MYH9: variants seen among roughly 807,000 people sequenced by gnomAD.
MYH9 encodes the protein myosin heavy chain 9.
In MYH9, 29 loss-of-function variants were observed where a neutral mutation model predicts 241.9. The ratio of observed to expected loss-of-function variants is 0.12; its 90% CI spans 0.09 to 0.16. MYH9 has a LOEUF of 0.16. Among genes scored for constraint, MYH9 ranks in the 10% least tolerant of loss-of-function variants. The probability of loss-of-function intolerance (pLI) is 1.00; values close to 1 mark genes in which losing one functional copy is unlikely to be tolerated. For synonymous variants in MYH9, 1,047 were observed against 1,062.6 expected, an observed-to-expected ratio of 0.99 and a Z score of 0.29; for missense variants, 1,803 against 2,595.5, an observed-to-expected ratio of 0.69 and a Z score of 6.63.
intron 3 of MYH9, among the ~76,000 whole-genome samples, chr22:36,328,687 C>G (rs1448665602): frequency 6.6e-6 from 1 of 152,254 alleles, no homozygotes; most frequent in Admixed American, 6.5e-5. Flanking sequence ...AACGCGACGT[C>G]GCCACGATGG....
chr22:36,336,335 G>A (rs1195598972), intron 3 of MYH9, among the ~76,000 whole-genome samples: 2 of 152,224 alleles, frequency 1.3e-5, no homozygotes, highest in Non-Finnish European at 2.9e-5. Flanking sequence ...CAGAGGGTCT[G>A]GCCCGGGATC....
chr22:36,286,878 C>T (rs938075552), intron 34 of MYH9, 32 bp from the exon 35 acceptor site: 5 of 1,601,826 alleles, frequency 3.1e-6, no homozygotes, highest in Non-Finnish European at 4.2e-6. Context: ...GGCACCCCAC[C>T]CAGCTCCTTG....
rs2017410409 is a variant in MYH9, at chr22:36,330,858, C to T, written c.491-3370G>A. Among the ~76,000 whole-genome samples the T allele has an allele frequency of 6.6e-6, 1 of 152,076 alleles. No individual in the cohort carries two copies. The highest frequency in any genetic ancestry group is 1.5e-5 in the Non-Finnish European group (1 of 68,022). ...AAGCCTCTTCTGGGACACGAGCCCC[C>T]TGCCAGATGAAAGTCTAGCCGTGGT... On this transcript the variant is annotated intron_variant, in intron 3 of 40. Transcript: ENST00000216181. This position sits in a 1 kb window ranked among gnomAD's most constrained non-coding sequence, Gnocchi z 4.5.
chr22:36,339,199 TCA>T (rs2017545592), intron 3 of MYH9, among the ~76,000 whole-genome samples: 1 of 152,214 alleles, frequency 6.6e-6, no homozygotes, highest in African/African-American at 2.4e-5. Context: ...TACACATTAC[TCA>T]GTCTTAATGT....
rs368114068 is a variant in MYH9, at chr22:36,294,933, C to T, written c.3629G>A (p.Arg1210Gln). ...TGCGGTCTCAGGGAGGCTCCGCACC[C>T]GCTTCGTCTGCTCCAGCTGCTCCGC... ...ELAEQLEQTK[R>Q]VKANLEKAKQ... Residue 1210 changes from arginine to glutamine, a missense_variant and splice_region_variant, in exon 27 of 41, where the codon CGG becomes CAG. Physicochemically the swap from Arg to Gln is conservative, Grantham distance 43 (BLOSUM62 1). This residue lies in a region of MYH9 where 876 missense variants were observed against 1,077.8 expected (regional missense o/e 0.81). Coordinates refer to ENST00000216181, the MANE Select transcript of MYH9 (RefSeq NM_002473.6). 3.7e-6 allele frequency: 6 copies of T among 1,612,942 alleles called. No homozygotes were observed. The highest frequency in any genetic ancestry group is 5.1e-6 in the Non-Finnish European group (6 of 1,180,028).
At chr22:36,312,353 A>G in intron 13 of MYH9, 131 bp from the exon 14 acceptor site, 1 of 886,026 alleles carries the variant, frequency 1.1e-6, no homozygotes, top group Non-Finnish European at 1.7e-6. Flanking sequence ...CCCCAGGAGA[A>G]GCAAAGCACT....
At chr22:36,326,202 C>A (rs998587083) in intron 5 of MYH9, among the ~76,000 whole-genome samples, 3 of 152,200 alleles carry the variant, frequency 2.0e-5, no homozygotes, top group African/African-American at 7.2e-5. Flanking sequence ...ACAGGTCTGC[C>A]TGAGACCTTT....
At chr22:36,383,666 G>GC (rs1034278903) in intron 1 of MYH9, among the ~76,000 whole-genome samples, 1 of 39,186 alleles carries the variant, frequency 2.6e-5, no homozygotes, top group African/African-American at 5.0e-5. Context: ...TAAAAAAAAA[G>GC]GGGGGGGGGT....
Position 36,295,538 on chromosome 22 carries a change from G to A in MYH9, c.3452C>T (p.Thr1151Met), listed in dbSNP as rs375081687. ...CTGCTGGGCAGCTGTGGAATCCAGC[G>A]TGTCCTCCAACTCTGTTTTCAGAGC... ...LEALKTELED[T>M]LDSTAAQQEL... Residue 1151 changes from threonine to methionine, a missense_variant, in exon 26 of 41, where the codon ACG (threonine) becomes ATG (methionine). Around this residue, in one of 11 missense-constraint regions of MYH9, gnomAD observed 11 missense variants for 37.1 expected, o/e 0.30. Transcript: ENST00000216181. This position sits in a 1 kb window ranked among gnomAD's most constrained non-coding sequence, Gnocchi z 4.1. 8.7e-6 allele frequency: 14 copies of A among 1,613,372 alleles called. No homozygotes were observed. The highest frequency in any genetic ancestry group is 5.3e-5 in the African/African-American group (4 of 74,870).
chr22:36,309,771 A>G (rs2017030922), intron 14 of MYH9, among the ~76,000 whole-genome samples: 1 of 152,268 alleles, frequency 6.6e-6, no homozygotes, highest in Non-Finnish European at 1.5e-5. Flanking sequence ...CTTTTTAGTC[A>G]TAAGACAAGT....
At chr22:36,362,834 A>G (rs1226909699) in intron 1 of MYH9, among the ~76,000 whole-genome samples, 1 of 152,170 alleles carries the variant, frequency 6.6e-6, no homozygotes, top group Admixed American at 6.5e-5. Flanking sequence ...GAAAGCAGCA[A>G]AAGTTTGAGG....
chr22:36,312,012 A>C (rs1603483270), intron 14 of MYH9, 37 bp downstream of exon 14: 1 of 974,856 alleles, frequency 1.0e-6, no homozygotes, highest in African/African-American at 1.6e-5. Flanking sequence ...CTCTCCTGTG[A>C]AGATCTGGCC....
chr22:36,354,734 G>A (rs903702800), intron 1 of MYH9, among the ~76,000 whole-genome samples: 6 of 151,860 alleles, frequency 4.0e-5, no homozygotes, highest in East Asian at 1.9e-4. Context: ...GTGAGCCACC[G>A]CACCCGGCCG....
At chr22:36,322,383 G>A (rs988883906) in intron 6 of MYH9, 46 bp downstream of exon 6, 2 of 1,595,630 alleles carry the variant, frequency 1.3e-6, no homozygotes, top group Non-Finnish European at 1.7e-6. Flanking sequence ...AAAGCTCCGG[G>A]CAAGGCCCTC....
intron 1 of MYH9, among the ~76,000 whole-genome samples, chr22:36,361,796 G>A (rs1349338047): frequency 6.6e-6 from 1 of 152,238 alleles, no homozygotes; most frequent in East Asian, 1.9e-4. Context: ...GGCTGGGGGT[G>A]TACGGTGGCT....
chr22:36,344,704 C>T (rs1490638275), intron 2 of MYH9, among the ~76,000 whole-genome samples: 2 of 152,194 alleles, frequency 1.3e-5, no homozygotes, highest in Non-Finnish European at 2.9e-5. Context: ...GCACTACCCA[C>T]CACGCCCACC....
rs1007251239 is a variant in MYH9 at position 36,306,847 on chromosome 22, G to A, written c.1844-240C>T. On this transcript the variant is annotated intron_variant, in intron 15 of 40. Coordinates refer to ENST00000216181, the MANE Select transcript of MYH9 (RefSeq NM_002473.6). The surrounding 1 kb of genome is among the most constrained non-coding windows in gnomAD (Gnocchi z 4.1). ...TCTTGGGGAGCCATGCATCTGCCAT[G>A]GCCACCTCACCTTCCTGTCACCTAT... Among the ~76,000 whole-genome samples the A allele has an allele frequency of 1.3e-5, 2 of 152,114 alleles. No individual in the cohort carries two copies. The highest frequency in any genetic ancestry group is 1.9e-4 in the East Asian group (1 of 5,196).
chr22:36,316,460 T>C, intron 12 of MYH9, 57 bp downstream of exon 12: 1 of 1,612,478 alleles, frequency 6.2e-7, no homozygotes, highest in Non-Finnish European at 8.5e-7. Context: ...TAACCAAGGA[T>C]AAGGCAACCA....
chr22:36,355,754 C>T (rs550945024), intron 1 of MYH9, among the ~76,000 whole-genome samples: 1 of 152,306 alleles, frequency 6.6e-6, no homozygotes, highest in Non-Finnish European at 1.5e-5. Context: ...AGACTCAGCC[C>T]CGTGTGGCTT....
Sources: allele counts gnomAD v4.1 joint callset (sites outside exome capture counted in the v4.1 genomes callset), GRCh38; gene constraint gnomAD v4.1.1; regional missense constraint gnomAD v4.1.1; non-coding constraint Gnocchi (gnomAD v3.1); transcripts MANE v1.5; gene names NCBI Gene and HGNC (gene_info 2026-07-23, HGNC 2026-07-21).